DPP10: variants seen among roughly 807,000 people sequenced by gnomAD.
DPP10 encodes dipeptidyl peptidase like 10.
In DPP10, 33 loss-of-function variants were observed where a neutral mutation model predicts 120.9. That is an observed-to-expected ratio of 0.27 (90% CI 0.21 to 0.37). The LOEUF (loss-of-function observed/expected upper bound fraction) is 0.37, where lower values mean the gene tolerates loss of function less well. Among genes scored for constraint, DPP10 ranks in the 10% least tolerant of loss-of-function variants. The pLI is 1.00. For synonymous variants in DPP10, 337 were observed against 326.1 expected (o/e 1.03, Z -0.36); for missense variants, 816 against 942.8 (o/e 0.87, Z 1.76).
At chr2:114,727,197 C>A (rs995696977) in intron 1 of DPP10, among the ~76,000 whole-genome samples, 12 of 152,094 alleles carry the variant, frequency 7.9e-5, no homozygotes, top group African/African-American at 1.7e-4. Context: ...ACTGATTAAG[C>A]AGGAATTCTG....
chr2:114,676,334 A>T (rs986066423), intron 1 of DPP10, among the ~76,000 whole-genome samples: 1 of 152,178 alleles, frequency 6.6e-6, no homozygotes, highest in African/African-American at 2.4e-5. Context: ...AATGAATATC[A>T]TAAATGCCTA....
rs550421036 is a variant in DPP10, at chr2:114,829,470, G to A, written c.60+386632G>A. Among the ~76,000 whole-genome samples the A allele has an allele frequency of 1.0e-4, 15 of 146,472 alleles. No homozygotes were observed. The South Asian group carries it at 1.4e-3, about 13-fold the overall frequency. On this transcript the variant is annotated intron_variant, in intron 1 of 25. Transcript: ENST00000410059. The stretch of plus-strand genomic sequence containing the variant: ...AAGACCTCGGCTCACTGCAACCTCC[G>A]CCTCCCAGGTTCAAGCAATTCTCCC...
chr2:115,197,816 TTTG>T (rs985010004), intron 1 of DPP10, among the ~76,000 whole-genome samples: 2 of 152,158 alleles, frequency 1.3e-5, no homozygotes, highest in Admixed American at 1.3e-4. Flanking sequence ...TGCTATGACG[TTTG>T]TAATTGGTAT....
At chr2:114,871,857 C>T (rs1574385974) in intron 1 of DPP10, among the ~76,000 whole-genome samples, 1 of 152,132 alleles carries the variant, frequency 6.6e-6, no homozygotes, top group South Asian at 2.1e-4. Flanking sequence ...GCATTACTGC[C>T]TGAGCTCCAC....
chr2:115,355,399 A>T (rs2064309587), intron 3 of DPP10, among the ~76,000 whole-genome samples: 1 of 151,446 alleles, frequency 6.6e-6, no homozygotes, highest in Non-Finnish European at 1.5e-5. Context: ...CCCATTTTTG[A>T]TGGGGTTGTT....
chr2:114,461,665 C>G, intron 1 of DPP10: 1 of 985,386 alleles, frequency 1.0e-6, no homozygotes, highest in Non-Finnish European at 1.2e-6. Flanking sequence ...GCCTGCTCTT[C>G]GGAGACAAAT....
Position 115,618,519 on chromosome 2 carries a change from A to C in DPP10, c.442-71168A>C, listed in dbSNP as rs568321781. ...TTGGCACTTCCCATGGTTTCATTTAACTGTAAGATTTGCTTCCGAAAATAT... is the reference window on the plus strand; with the variant it reads ...TTGGCACTTCCCATGGTTTCATTTACCTGTAAGATTTGCTTCCGAAAATAT... On this transcript the variant is annotated intron_variant, in intron 5 of 25. Coordinates refer to ENST00000410059, the MANE Select transcript of DPP10 (RefSeq NM_020868.6). Among the ~76,000 whole-genome samples the C allele has an allele frequency of 4.6e-5, 7 of 152,324 alleles. No homozygotes were observed. The East Asian group carries it at 9.7e-4, about 21-fold the overall frequency.
At chr2:114,641,369 A>T (rs1200462671) in intron 1 of DPP10, among the ~76,000 whole-genome samples, 1 of 151,828 alleles carries the variant, frequency 6.6e-6, no homozygotes, top group Non-Finnish European at 1.5e-5. Flanking sequence ...CCAGGGTTAG[A>T]GGCAATGATG....
intron 1 of DPP10, among the ~76,000 whole-genome samples, chr2:115,231,723 G>C (rs1417227591): frequency 1.3e-5 from 2 of 152,180 alleles, no homozygotes; most frequent in Non-Finnish European, 2.9e-5. Context: ...TAATCAAGAA[G>C]TAGCGATATA....
intron 1 of DPP10, among the ~76,000 whole-genome samples, chr2:115,142,565 A>C (rs1170442070): frequency 6.6e-6 from 1 of 152,196 alleles, no homozygotes; most frequent in Non-Finnish European, 1.5e-5. Context: ...GCTTTGAAAA[A>C]CACGAACTGA....
chr2:115,460,517 A>T (rs539532540), intron 3 of DPP10, among the ~76,000 whole-genome samples: 1 of 152,298 alleles, frequency 6.6e-6, no homozygotes, highest in East Asian at 1.9e-4. Flanking sequence ...GTCTAAAGTT[A>T]ATTATTACTC....
intron 3 of DPP10, among the ~76,000 whole-genome samples, chr2:115,351,131 A>G (rs1042723135): frequency 6.6e-6 from 1 of 152,088 alleles, no homozygotes; most frequent in Non-Finnish European, 1.5e-5. Flanking sequence ...AGGTGCCCCA[A>G]AATGTAGGAG....
intron 4 of DPP10, among the ~76,000 whole-genome samples, chr2:115,508,566 A>G (rs965203260): frequency 2.0e-5 from 3 of 152,180 alleles, no homozygotes; most frequent in African/African-American, 7.2e-5. Context: ...TTTCTAATGC[A>G]TTGGCTGTAT....
intron 1 of DPP10, among the ~76,000 whole-genome samples, chr2:115,027,705 G>A (rs557549410): frequency 6.6e-6 from 1 of 152,082 alleles, no homozygotes. Context: ...GACTAGAATT[G>A]GTTCTGTGTT....
In DPP10 at chr2:115,494,231, C is replaced by T. The variant is rs11885187; in HGVS notation, c.272-5279C>T. ...ATGCTGGATTACAAGCATGAGCCAC[C>T]GTGCATGTACTTTTTTTCTTTAATC... On this transcript the variant is annotated intron_variant, in intron 3 of 25. Coordinates refer to ENST00000410059, the MANE Select transcript of DPP10 (RefSeq NM_020868.6). Among the ~76,000 whole-genome samples the T allele has an allele frequency of 8.6e-3, 1,314 of 152,156 alleles. 19 individuals carry two copies. Among genetic ancestry groups the T allele is most frequent in the African/African-American group, 0.03 (1,260 of 41,530 alleles).
intron 3 of DPP10, among the ~76,000 whole-genome samples, chr2:115,352,278 G>A (rs995056168): frequency 2.6e-5 from 4 of 152,026 alleles, no homozygotes; most frequent in African/African-American, 9.7e-5. Context: ...AAAAAGCTTG[G>A]GGAAATGGGA....
intron 1 of DPP10, among the ~76,000 whole-genome samples, chr2:115,230,660 T>C (rs2105483702): frequency 6.6e-6 from 1 of 152,198 alleles, no homozygotes; most frequent in East Asian, 1.9e-4. Flanking sequence ...GAAAAATGAA[T>C]TGCTTTAGAA....
chr2:114,663,646 T>G (rs1233022466), intron 1 of DPP10, among the ~76,000 whole-genome samples: 2 of 74,490 alleles, frequency 2.7e-5, no homozygotes, highest in African/African-American at 1.2e-4. Context: ...TACAGATATA[T>G]ATATATATAT....
intron 19 of DPP10, among the ~76,000 whole-genome samples, chr2:115,809,422 C>A (rs560751278): frequency 6.6e-6 from 1 of 152,228 alleles, no homozygotes; most frequent in South Asian, 2.1e-4. Context: ...TCATATTCTA[C>A]CTGAAATGAA....
Sources: allele counts gnomAD v4.1 joint callset (sites outside exome capture counted in the v4.1 genomes callset), GRCh38; gene constraint gnomAD v4.1.1; transcripts MANE v1.5; gene names NCBI Gene and HGNC (gene_info 2026-07-23, HGNC 2026-07-21).